ITCH: variants seen among roughly 807,000 people sequenced by gnomAD.
ITCH encodes itchy E3 ubiquitin protein ligase.
ITCH carries 28 observed loss-of-function variants against 126.8 expected under a neutral mutation model. The ratio of observed to expected loss-of-function variants is 0.22; its 90% confidence interval spans 0.16 to 0.30. ITCH has a LOEUF of 0.30. Among genes scored for constraint, ITCH ranks in the 10% least tolerant of loss-of-function variants. The pLI is 1.00. For synonymous variants in ITCH, 342 were observed against 340.0 expected (o/e 1.01, Z -0.06); for missense variants, 631 against 1,032.4 (o/e 0.61, Z 5.33).
chr20:34,431,222 T>C (rs771795243), intron 7 of ITCH, among the ~76,000 whole-genome samples: 1 of 152,050 alleles, frequency 6.6e-6, no homozygotes, highest in Non-Finnish European at 1.5e-5. Flanking sequence ...GAGACCAGCC[T>C]GAGGGACAAA....
At chr20:34,486,791 G>A (rs1242909939) in intron 20 of ITCH, among the ~76,000 whole-genome samples, 1 of 151,616 alleles carries the variant, frequency 6.6e-6, no homozygotes, top group Non-Finnish European at 1.5e-5. Flanking sequence ...TCCAATTCCA[G>A]AAGTTCAAGC....
chr20:34,470,202 A>G (rs1987486127), intron 15 of ITCH, 82 bp downstream of exon 15: 1 of 1,099,862 alleles, frequency 9.1e-7, no homozygotes, highest in Non-Finnish European at 1.4e-6. Context: ...AAAATACTTA[A>G]CTCACAGAAA....
chr20:34,387,397 C>CAG (rs1257016969), intron 2 of ITCH, among the ~76,000 whole-genome samples: 1 of 151,984 alleles, frequency 6.6e-6, no homozygotes, highest in Non-Finnish European at 1.5e-5. Context: ...GAGGCCAAGG[C>CAG]AGGAGGACGA....
chr20:34,420,461 A>G (rs1980609131), intron 6 of ITCH, among the ~76,000 whole-genome samples: 2 of 152,172 alleles, frequency 1.3e-5, no homozygotes, highest in South Asian at 2.1e-4. Flanking sequence ...TTGTGCCACA[A>G]TTTGTTTATC....
At position 34,510,541 on chromosome 20, in the gene ITCH, G is replaced by A. The variant is rs1034353280; in HGVS notation, c.*2747G>A. 3 of 150,832 alleles carry A rather than the reference G, an allele frequency of 2.0e-5. No individual in the cohort carries two copies. The highest frequency in any genetic ancestry group is 7.3e-5 in the African/African-American group (3 of 40,860). 9.3% of individuals were successfully genotyped at this position (150,832 alleles called of 1,614,324 possible). ...CCTTATTGTTCTGCTCTTTTGCAGG[G>A]GGTGGGGGTTGGGGAAGACAGCATT... On this transcript the variant is annotated 3_prime_UTR_variant, in exon 25 of 25. Coordinates refer to ENST00000374864, the MANE Select transcript of ITCH (RefSeq NM_031483.7).
At chr20:34,486,073 G>C (rs1989087644) in intron 20 of ITCH, among the ~76,000 whole-genome samples, 2 of 152,006 alleles carry the variant, frequency 1.3e-5, no homozygotes. Context: ...GGAGCGTAGT[G>C]GTAGAGTCAT....
At chr20:34,486,866 G>A (rs990891054) in intron 20 of ITCH, among the ~76,000 whole-genome samples, 14 of 150,984 alleles carry the variant, frequency 9.3e-5, no homozygotes, top group Non-Finnish European at 1.9e-4. Context: ...CCCACATGAC[G>A]AGATGGGGTT....
At chr20:34,471,671 GGGGTGTGT>G (rs1228172372) in intron 16 of ITCH, among the ~76,000 whole-genome samples, 156 bp downstream of exon 16, 1 of 120,584 alleles carries the variant, frequency 8.3e-6, no homozygotes, top group African/African-American at 3.2e-5. Context: ...TAGGGCTTAA[GGGGTGTGT>G]GTGTGTGTGT....
At position 34,440,052 on chromosome 20, in the gene ITCH, GTTT is replaced by G. The variant is rs1453251186; in HGVS notation, c.680-101_680-99del. ...TTTCACCTGTGCATCTACATCTTAA[GTTT>G]TATATTTATCATCTGCCTTTTATTT... On this transcript the variant is annotated intron_variant, in intron 8 of 24. Transcript: ENST00000374864. 5.7e-5 allele frequency: 47 copies of G among 831,628 alleles called. No homozygotes were observed. The East Asian group carries it at 1.2e-3, about 21-fold the overall frequency. The allele number at this position is 831,628 out of a possible 1,614,324, so 51.5% of individuals were successfully genotyped here. A position where few individuals can be genotyped will look rare whatever the true frequency, so the allele number is the denominator to read the frequency against.
In ITCH at chr20:34,442,316, A is replaced by C; in HGVS notation, c.965+13A>C. 2 of 1,525,254 alleles carry C rather than the reference A, an allele frequency of 1.3e-6. No individual in the cohort carries two copies. Among genetic ancestry groups the C allele is most frequent in the Non-Finnish European group, 1.8e-6 (2 of 1,099,154 alleles). 94.5% of individuals were successfully genotyped at this position (1,525,254 alleles called of 1,614,324 possible). A position where few individuals can be genotyped will look rare whatever the true frequency, so the allele number is the denominator to read the frequency against. Reference sequence around the variant, plus strand: ...CTCTACCTCCTGGGTAAGTATCTAAATTTAAAAAGAATAATTTTATTTAGT... The same window carrying C: ...CTCTACCTCCTGGGTAAGTATCTAACTTTAAAAAGAATAATTTTATTTAGT... On this transcript the variant is annotated intron_variant, in intron 10 of 24. Transcript: ENST00000374864.
chr20:34,423,447 A>G (rs1168895928), intron 6 of ITCH, among the ~76,000 whole-genome samples: 4 of 152,166 alleles, frequency 2.6e-5, no homozygotes, highest in Admixed American at 6.5e-5. Flanking sequence ...TGTTTAAACT[A>G]TGATTCTATC....
At chr20:34,446,722 T>C (rs535973052) in intron 11 of ITCH, among the ~76,000 whole-genome samples, 34 of 152,220 alleles carry the variant, frequency 2.2e-4, no homozygotes, top group Non-Finnish European at 4.3e-4. Context: ...TAGGTTTGAA[T>C]ACCTAGCTTG....
intron 23 of ITCH, among the ~76,000 whole-genome samples, chr20:34,493,980 G>T (rs980926224): frequency 1.3e-5 from 2 of 152,190 alleles, no homozygotes; most frequent in Non-Finnish European, 2.9e-5. Flanking sequence ...TATAATTCCA[G>T]CACTTTAGGA....
chr20:34,473,879 A>C (rs559059008), intron 16 of ITCH, among the ~76,000 whole-genome samples: 2 of 152,350 alleles, frequency 1.3e-5, no homozygotes, highest in African/African-American at 4.8e-5. Context: ...GTCTGAACAT[A>C]ATAGCTTATA....
chr20:34,469,115 A>G (rs879438800), intron 14 of ITCH, among the ~76,000 whole-genome samples: 1 of 152,096 alleles, frequency 6.6e-6, no homozygotes. Context: ...ACCATCCTAG[A>G]GTATGGTCTC....
Position 34,452,215 on chromosome 20 carries a change from G to A in ITCH, c.1210+2735G>A, listed in dbSNP as rs557575679. Among the ~76,000 whole-genome samples, 20 of 152,232 alleles carry A rather than the reference G, an allele frequency of 1.3e-4. No homozygotes were observed. In the South Asian group the frequency reaches 1.9e-3, roughly 14 times the overall value. Reference sequence around the variant, plus strand: ...TATAGAAAGCTGAATTGTGAGCTGCGTTTCCTTTATCAGAAAAGTCTTTCC... The same window carrying A: ...TATAGAAAGCTGAATTGTGAGCTGCATTTCCTTTATCAGAAAAGTCTTTCC... On this transcript the variant is annotated intron_variant, in intron 12 of 24. Coordinates refer to ENST00000374864, the MANE Select transcript of ITCH (RefSeq NM_031483.7).
intron 20 of ITCH, among the ~76,000 whole-genome samples, chr20:34,481,856 C>G (rs1248998197): frequency 6.6e-6 from 1 of 152,088 alleles, no homozygotes; most frequent in Non-Finnish European, 1.5e-5. Flanking sequence ...ACTAAAAATA[C>G]AAAAATTAGC....
chr20:34,454,620 G>A (rs1429141207), intron 12 of ITCH: 1 of 151,980 alleles, frequency 6.6e-6, no homozygotes, highest in African/African-American at 2.4e-5. Flanking sequence ...TCAGAAGCAG[G>A]TTTGTGATAC....
At chr20:34,435,681 G>C (rs1047933386) in intron 7 of ITCH, among the ~76,000 whole-genome samples, 1 of 152,160 alleles carries the variant, frequency 6.6e-6, no homozygotes, top group Admixed American at 6.5e-5. Context: ...AGCATTACTT[G>C]TTGGTCTGAG....
Sources: allele counts gnomAD v4.1 joint callset (sites outside exome capture counted in the v4.1 genomes callset), GRCh38; gene constraint gnomAD v4.1.1; transcripts MANE v1.5; gene names NCBI Gene and HGNC (gene_info 2026-07-23, HGNC 2026-07-21).